Variants in TRPM2 observed in about 807,000 individuals in gnomAD.
TRPM2 encodes estrogen-responsive element-associated gene 1 protein.
A neutral mutation model predicts 174.0 loss-of-function variants in TRPM2; 161 were observed. That is an observed-to-expected ratio of 0.93 (90% CI 0.81 to 1.05). The LOEUF is 1.05. Ranked by LOEUF, TRPM2 falls within the 50% of genes least tolerant of loss-of-function variation. The probability of loss-of-function intolerance (pLI) is 0.00; values close to 1 mark genes in which losing one functional copy is unlikely to be tolerated. For missense variants in TRPM2, 2,057 were observed against 2,038.0 expected (o/e 1.01, Z -0.18); for synonymous variants, 954 against 861.3 (o/e 1.11, Z -1.88).
Position 44,354,816 on chromosome 21 carries a change from C to A in TRPM2, c.254+80C>A, listed in dbSNP as rs2048009218. The A allele has an allele frequency of 8.9e-6, 11 of 1,237,398 alleles. No individual in the cohort carries two copies. Among genetic ancestry groups the A allele is most frequent in the African/African-American group, 1.5e-5 (1 of 67,390 alleles). The allele number at this position is 1,237,398 out of a possible 1,614,324, so 76.7% of individuals were successfully genotyped here. ...TGGAGTAGCTGATCAGGCCAAGACCCCTCAGGGCCTCAGTGAAGGGTCACT... is the reference window on the plus strand; with the variant it reads ...TGGAGTAGCTGATCAGGCCAAGACCACTCAGGGCCTCAGTGAAGGGTCACT... On this transcript the variant is annotated intron_variant, in intron 2 of 31. Coordinates refer to ENST00000397928, the MANE Select transcript of TRPM2 (RefSeq NM_003307.4). The surrounding 1 kb of genome is among the most constrained non-coding windows in gnomAD (Gnocchi z 4.3).
chr21:44,401,976 A>C, intron 16 of TRPM2, 79 bp downstream of exon 16: 1 of 1,509,150 alleles, frequency 6.6e-7, no homozygotes, highest in South Asian at 1.1e-5. Flanking sequence ...CCCATGGCTT[A>C]GAGCCCACCC....
intron 31 of TRPM2, among the ~76,000 whole-genome samples, chr21:44,441,327 C>T (rs982302490): frequency 6.6e-6 from 1 of 152,136 alleles, no homozygotes; most frequent in South Asian, 2.1e-4. Context: ...GCTGGCAAGG[C>T]CCCCTCAGCC....
At chr21:44,398,926 C>T (rs1353876185) in intron 13 of TRPM2, among the ~76,000 whole-genome samples, 6 of 152,114 alleles carry the variant, frequency 3.9e-5, no homozygotes, top group East Asian at 1.9e-4. Context: ...GGGAAAGGGC[C>T]GCTATCATCT....
intron 18 of TRPM2, 111 bp from the exon 19 acceptor site, chr21:44,406,483 G>C: frequency 3.8e-6 from 5 of 1,323,058 alleles, no homozygotes; most frequent in African/African-American, 1.5e-5. Context: ...CCTGCATGCC[G>C]TGTCTGTGCT....
rs78014592 is a variant in TRPM2 at position 44,390,978 on chromosome 21, G to A, written c.1393G>A (p.Val465Met). Residue 465 changes from valine (V) to methionine (M), a missense_variant, in exon 10 of 32, where the codon GTG (valine) becomes ATG (methionine). Val to Met is a conservative substitution (Grantham distance 21). Coordinates refer to ENST00000397928, the MANE Select transcript of TRPM2 (RefSeq NM_003307.4). Reference sequence around the variant, plus strand: ...GAAACTGGCAGTGGCATGGAATCGCGTGGACATTGCCCGCAGTGAGATCTT... The same window carrying A: ...GAAACTGGCAGTGGCATGGAATCGCATGGACATTGCCCGCAGTGAGATCTT... ...QLKLAVAWNR[V>M]DIARSEIFMD... 2.2e-5 allele frequency: 36 copies of A among 1,614,012 alleles called. No homozygotes were observed. In the East Asian group the frequency reaches 4.0e-4, roughly 18 times the overall value.
intron 19 of TRPM2, among the ~76,000 whole-genome samples, chr21:44,411,449 C>T (rs1396172365): frequency 1.3e-5 from 2 of 152,136 alleles, no homozygotes; most frequent in African/African-American, 4.8e-5. Flanking sequence ...ATCTTGAACT[C>T]TGAAACCTTG....
rs754777273 is a variant in TRPM2 at position 44,366,133 on chromosome 21, G to T, written c.424-621G>T. On this transcript the variant is annotated intron_variant, in intron 3 of 31. Transcript: ENST00000397928. The surrounding 1 kb of genome is among the most constrained non-coding windows in gnomAD (Gnocchi z 6.0). ...TACTTGGGAGGGTCTCCTGGAGGAC[G>T]GGGGGCCAGAGTGACGACAGAACCT... is the stretch of plus-strand genomic sequence containing the variant. Among the ~76,000 whole-genome samples the T allele has an allele frequency of 6.6e-6, 1 of 152,170 alleles. No homozygotes were observed. Among genetic ancestry groups the T allele is most frequent in the Admixed American group, 6.6e-5 (1 of 15,266 alleles).
At position 44,425,800 on chromosome 21, in the gene TRPM2, C is replaced by T. The variant is rs377439306; in HGVS notation, c.3768C>T (p.Pro1256=). The T allele has an allele frequency of 1.1e-5, 18 of 1,580,460 alleles. No individual in the cohort carries two copies. The East Asian group carries it at 1.4e-4, about 12-fold the overall frequency. Residue 1256 remains proline, a synonymous_variant, in exon 25 of 32, where the codon CCC becomes CCT. Transcript: ENST00000397928. ...LYPNCPVTRF[P]VPNEKVPWET... is the part of the protein sequence containing the mutation. ...CCAACTGCCCTGTCACGCGCTTCCCCGTGCCCAACGAGAAGGTGCCCTGGG... is the reference window on the plus strand; with the variant it reads ...CCAACTGCCCTGTCACGCGCTTCCCTGTGCCCAACGAGAAGGTGCCCTGGG...
intron 22 of TRPM2, among the ~76,000 whole-genome samples, chr21:44,419,781 G>GAT (rs1279126749): frequency 6.6e-6 from 1 of 151,372 alleles, no homozygotes; most frequent in East Asian, 1.9e-4. Flanking sequence ...TGGTGGTGAT[G>GAT]GTAGTGGTGG....
Position 44,379,185 on chromosome 21 carries a change from G to T in TRPM2, c.1203G>T (p.Glu401Asp). Residue 401 changes from glutamate to aspartate, a missense_variant, in exon 8 of 32, where the codon GAG (glutamate) becomes GAT (aspartate). Physicochemically the swap from Glu to Asp is conservative, Grantham distance 45. Transcript: ENST00000397928. ...FETFTESRIV[E>D]WTKKIQDIVR... is the part of the protein sequence containing the mutation. The stretch of plus-strand genomic sequence containing the variant: ...CCTTCACGGAAAGCAGGATTGTCGA[G>T]TGGACCAAAAAGGTGAGGCTGACGG... The T allele has an allele frequency of 6.2e-7, 1 of 1,613,020 alleles. No individual in the cohort carries two copies. The highest frequency in any genetic ancestry group is 1.1e-5 in the South Asian group (1 of 91,090).
Position 44,418,099 on chromosome 21 carries a change from A to G in TRPM2, c.3319A>G (p.Lys1107Glu), listed in dbSNP as rs931513249. 6.2e-6 allele frequency: 10 copies of G among 1,611,238 alleles called. No homozygotes were observed. The highest frequency in any genetic ancestry group is 8.5e-6 in the Non-Finnish European group (10 of 1,179,182). Residue 1107 changes from lysine to glutamate, a missense_variant, in exon 21 of 32, where the codon AAG (lysine) becomes GAG (glutamate). Lys to Glu is a moderately conservative substitution (Grantham distance 56). Transcript: ENST00000397928. ...CCTGAAGACTCCGGCCAAGAGGCACAAGCAGCTCAGTATGCCAGCCCCAGT... is the reference window on the plus strand; with the variant it reads ...CCTGAAGACTCCGGCCAAGAGGCACGAGCAGCTCAGTATGCCAGCCCCAGT... Reference protein sequence around the residue: ...VVLKTPAKRHKQLKNKLEKNE... With the variant: ...VVLKTPAKRHEQLKNKLEKNE...
At chr21:44,378,737 A>G (rs1168164053) in intron 7 of TRPM2, among the ~76,000 whole-genome samples, 1 of 152,202 alleles carries the variant, frequency 6.6e-6, no homozygotes, top group Non-Finnish European at 1.5e-5. Context: ...CTGCAGGTCC[A>G]TGGGCAAAAA....
rs534240463 is a variant in TRPM2 at position 44,366,695 on chromosome 21, C to T, written c.424-59C>T. ...GCCTCTCTGCATGGCCTGTGTGGGTCGGTGCTGTCCCTGACCACTGACACA... is the reference window on the plus strand; with the variant it reads ...GCCTCTCTGCATGGCCTGTGTGGGTTGGTGCTGTCCCTGACCACTGACACA... On this transcript the variant is annotated intron_variant, in intron 3 of 31. Coordinates refer to ENST00000397928, the MANE Select transcript of TRPM2 (RefSeq NM_003307.4). This position sits in a 1 kb window ranked among gnomAD's most constrained non-coding sequence, Gnocchi z 6.0. 114 of 1,609,038 alleles carry T rather than the reference C, an allele frequency of 7.1e-5. No individual in the cohort carries two copies. In the East Asian group the frequency reaches 7.4e-4, roughly 10 times the overall value.
chr21:44,440,284 C>T (rs367657559), intron 30 of TRPM2, among the ~76,000 whole-genome samples: 7 of 22,188 alleles, frequency 3.2e-4, no homozygotes, highest in South Asian at 1.5e-3. Flanking sequence ...TGCAGTGAGC[C>T]GAGGTTGCAC....
chr21:44,399,168 C>G lies in TRPM2; in HGVS notation c.2063-128C>G. ...GGCCTGGGTGTTTTGAGACACCAGC[C>G]CCACATTTGCCCTGTGCCCTTCCCT... On this transcript the variant is annotated intron_variant, in intron 13 of 31. Coordinates refer to ENST00000397928, the MANE Select transcript of TRPM2 (RefSeq NM_003307.4). This position sits in a 1 kb window ranked among gnomAD's most constrained non-coding sequence, Gnocchi z 4.6. The G allele has an allele frequency of 7.9e-7, 1 of 1,259,812 alleles. No homozygotes were observed. Among genetic ancestry groups the G allele is most frequent in the Non-Finnish European group, 1.1e-6 (1 of 934,746 alleles). The allele number at this position is 1,259,812 out of a possible 1,614,324, so 78.0% of individuals were successfully genotyped here.
In TRPM2 at chr21:44,417,889, A is replaced by G. The variant is rs757972818; in HGVS notation, c.3147-38A>G. On this transcript the variant is annotated intron_variant, in intron 20 of 31. Transcript: ENST00000397928. ...TGAGAGGGGTCTGTTCTGGGTAAAC[A>G]CCCTGACCTCGAGGTGTTGCTTTCT... The G allele has an allele frequency of 1.3e-5, 20 of 1,592,380 alleles. No homozygotes were observed. The Admixed American group carries it at 3.4e-4, about 27-fold the overall frequency.
At chr21:44,421,574 C>T (rs1400990856) in intron 22 of TRPM2, among the ~76,000 whole-genome samples, 1 of 151,968 alleles carries the variant, frequency 6.6e-6, no homozygotes, top group South Asian at 2.1e-4. Flanking sequence ...AGTTCAAGAC[C>T]AACCTAGGCA....
rs45517435 is a variant in TRPM2, at chr21:44,399,289, C to T, written c.2063-7C>T. The T allele has an allele frequency of 2.6e-4, 417 of 1,608,378 alleles. 4 individuals are homozygous for T. In the East Asian group the frequency reaches 8.1e-3, roughly 31 times the overall value. The stretch of plus-strand genomic sequence containing the variant: ...TGCTCTGACGGGGCTCTCATATCTC[C>T]GCCCAGGGGTCTTCACCGAGTGCTA... On this transcript the variant is annotated splice_region_variant and splice_polypyrimidine_tract_variant and intron_variant, in intron 13 of 31. Transcript: ENST00000397928. The surrounding 1 kb of genome is among the most constrained non-coding windows in gnomAD (Gnocchi z 4.6).
At chr21:44,425,145 C>G (rs1156781054) in intron 24 of TRPM2, 16 of 569,148 alleles carry the variant, frequency 2.8e-5, no homozygotes, top group Non-Finnish European at 2.2e-5. Context: ...AATCCCTGAC[C>G]TGACCTGGTT....
Sources: gnomAD v4.1 joint callset for allele counts (sites outside exome capture counted in the v4.1 genomes callset) on GRCh38, gnomAD v4.1.1 for gene constraint, Gnocchi (gnomAD v3.1) non-coding constraint, MANE v1.5 for transcripts, NCBI Gene and HGNC (gene_info 2026-07-23, HGNC 2026-07-21) for gene names.